Variants in PCDH15 observed in about 807,000 individuals in gnomAD.
PCDH15 encodes protocadherin-15.
In PCDH15, 129 loss-of-function variants were observed where a neutral mutation model predicts 178.5. That is an observed-to-expected ratio of 0.72 (90% CI 0.63 to 0.84). PCDH15 has a LOEUF of 0.84. Among genes scored for constraint, PCDH15 ranks in the 40% least tolerant of loss-of-function variants. The probability of loss-of-function intolerance (pLI) is 0.00; values close to 1 mark genes in which losing one functional copy is unlikely to be tolerated. For missense variants in PCDH15, 2,230 were observed against 2,099.9 expected, an observed-to-expected ratio of 1.06 and a Z score of -1.21; for synonymous variants, 800 against 732.0, an observed-to-expected ratio of 1.09 and a Z score of -1.50.
chr10:55,489,892 T>TAAA (rs1339321831), intron 2 of PCDH15, among the ~76,000 whole-genome samples: 1 of 151,586 alleles, frequency 6.6e-6, no homozygotes, highest in Non-Finnish European at 1.5e-5. Context: ...TAAAAGAAAT[T>TAAA]AAAGCAAAGG....
chr10:54,562,404 T>A (rs550686248), intron 2 of PCDH15, among the ~76,000 whole-genome samples: 1 of 152,134 alleles, frequency 6.6e-6, no homozygotes, highest in Non-Finnish European at 1.5e-5. Context: ...TAACTCAATA[T>A]TGATATCAAG....
intron 3 of PCDH15, among the ~76,000 whole-genome samples, chr10:54,509,692 G>A (rs1049141844): frequency 1.3e-5 from 2 of 151,950 alleles, no homozygotes; most frequent in Non-Finnish European, 2.9e-5. Flanking sequence ...TGGTTCCTCC[G>A]GTTTAACTTC....
intron 15 of PCDH15, among the ~76,000 whole-genome samples, chr10:54,132,640 C>T (rs981384918): frequency 6.6e-6 from 1 of 152,160 alleles, no homozygotes. Context: ...TGCAGCTAAT[C>T]CCTGCCTGCC....
At chr10:55,140,682 A>G (rs1019866913) in intron 2 of PCDH15, among the ~76,000 whole-genome samples, 1 of 152,008 alleles carries the variant, frequency 6.6e-6, no homozygotes, top group Non-Finnish European at 1.5e-5. Flanking sequence ...ATTATGGACA[A>G]TTGATATCAA....
intron 3 of PCDH15, among the ~76,000 whole-genome samples, chr10:54,516,308 G>GA (rs34980665): frequency 1.3e-4 from 19 of 151,218 alleles, no homozygotes; most frequent in Non-Finnish European, 2.8e-4. Context: ...TAAAAACTTT[G>GA]AAAAAAAAAA....
intron 3 of PCDH15, among the ~76,000 whole-genome samples, chr10:54,486,828 T>C (rs1413831065): frequency 6.6e-6 from 1 of 151,994 alleles, no homozygotes; most frequent in Non-Finnish European, 1.5e-5. Flanking sequence ...CCTTTTCTTC[T>C]TCTCTCCATT....
At chr10:55,111,995 T>C (rs1385221187) in intron 2 of PCDH15, among the ~76,000 whole-genome samples, 1 of 152,196 alleles carries the variant, frequency 6.6e-6, no homozygotes, top group East Asian at 1.9e-4. Flanking sequence ...TGATAGTAAA[T>C]ACACAGTAAC....
chr10:54,533,721 A>C (rs2084175014), intron 2 of PCDH15, among the ~76,000 whole-genome samples: 1 of 152,196 alleles, frequency 6.6e-6, no homozygotes, highest in Admixed American at 6.5e-5. Context: ...GGCACCTAGT[A>C]GAGTATTTGA....
chr10:54,254,489 G>T (rs571008989), intron 8 of PCDH15, among the ~76,000 whole-genome samples: 2 of 152,224 alleles, frequency 1.3e-5, no homozygotes, highest in East Asian at 3.9e-4. Context: ...GGCAGAGCAT[G>T]TATAATAACC....
chr10:54,499,037 C>T (rs993019949), intron 3 of PCDH15, among the ~76,000 whole-genome samples: 2 of 152,128 alleles, frequency 1.3e-5, no homozygotes, highest in African/African-American at 4.8e-5. Context: ...ATGATCCAAT[C>T]ACCTTCCACC....
intron 2 of PCDH15, among the ~76,000 whole-genome samples, chr10:54,899,944 G>A (rs1954614373): frequency 7.1e-6 from 1 of 140,072 alleles, no homozygotes; most frequent in African/African-American, 2.7e-5. Flanking sequence ...TAAAAAAAAA[G>A]ACATTTAATC....
chr10:55,298,058 C>T (rs971990794), intron 1 of PCDH15, among the ~76,000 whole-genome samples: 1 of 152,038 alleles, frequency 6.6e-6, no homozygotes, highest in South Asian at 2.1e-4. Context: ...GTCAACAAGC[C>T]CTGCTCAGCC....
intron 26 of PCDH15, among the ~76,000 whole-genome samples, chr10:53,870,860 A>G (rs1033693745): frequency 4.6e-5 from 7 of 152,184 alleles, no homozygotes; most frequent in Non-Finnish European, 8.8e-5. Context: ...AGATACCAAT[A>G]ATAAAATTCA....
intron 15 of PCDH15, among the ~76,000 whole-genome samples, chr10:54,103,646 A>T (rs1327110563): frequency 6.6e-6 from 1 of 152,196 alleles, no homozygotes; most frequent in Non-Finnish European, 1.5e-5. Flanking sequence ...AAGCCTTTAG[A>T]TCCCTTTCTC....
At chr10:53,808,577 A>C (rs1234619240) in intron 37 of PCDH15, 2 of 1,460,498 alleles carry the variant, frequency 1.4e-6, no homozygotes, top group East Asian at 4.9e-5. Flanking sequence ...ATCATAAGTC[A>C]TATCAAAATC....
intron 1 of PCDH15, among the ~76,000 whole-genome samples, chr10:55,265,250 C>T (rs928914752): frequency 1.9e-4 from 28 of 150,706 alleles, no homozygotes; most frequent in African/African-American, 7.4e-5. Context: ...GGTAAGTTTC[C>T]GGATGACCAT....
chr10:54,881,552 T>C (rs1204217082), intron 3 of PCDH15, among the ~76,000 whole-genome samples: 2 of 152,122 alleles, frequency 1.3e-5, no homozygotes, highest in South Asian at 4.1e-4. Flanking sequence ...TGCTCTTCTA[T>C]ATGTTGCCTC....
At chr10:55,109,535 T>C (rs1443696702) in intron 2 of PCDH15, among the ~76,000 whole-genome samples, 1 of 152,102 alleles carries the variant, frequency 6.6e-6, no homozygotes. Context: ...AATGTTTTGC[T>C]GAAACAAATG....
At position 54,023,113 on chromosome 10, in the gene PCDH15, C is replaced by T. The variant is rs748808565; in HGVS notation, c.2305G>A (p.Gly769Arg). The T allele has an allele frequency of 1.9e-6, 3 of 1,613,768 alleles. No individual in the cohort carries two copies. The highest frequency in any genetic ancestry group is 2.5e-6 in the Non-Finnish European group (3 of 1,179,914). ...AGCTTCACTGCTGTGTAAATGCTCC[C>T]ATTGGATGTGATACGAAAAAGATTA... is the stretch of plus-strand genomic sequence containing the variant. ...FNNLFRITSN[G>R]SIYTAVKLNR... Residue 769 changes from glycine to arginine, a missense_variant, in exon 19 of 38, where the codon GGG becomes AGG. By Grantham distance (125) the Gly-to-Arg change is moderately radical. Transcript: ENST00000644397.
Sources: allele counts gnomAD v4.1 joint callset (sites outside exome capture counted in the v4.1 genomes callset), GRCh38; gene constraint gnomAD v4.1.1; transcripts MANE v1.5; gene names NCBI Gene and HGNC (gene_info 2026-07-23, HGNC 2026-07-21).